Variants in SLC35F4 observed in about 807,000 individuals in gnomAD.
SLC35F4 encodes chromosome 14 open reading frame 36.
SLC35F4 carries 24 observed loss-of-function variants against 44.2 expected under a neutral mutation model. The observed-to-expected ratio is 0.54, with a 90% CI of 0.39 to 0.76. The LOEUF is 0.76. SLC35F4 is among the 30% of genes least tolerant of loss of function. SLC35F4 has a pLI of 0.00. For missense variants in SLC35F4, 562 were observed against 586.1 expected (o/e 0.96, Z 0.42); for synonymous variants, 238 against 223.6 (o/e 1.06, Z -0.57).
At chr14:57,606,985 A>G (rs930880382) in intron 1 of SLC35F4, among the ~76,000 whole-genome samples, 4 of 152,250 alleles carry the variant, frequency 2.6e-5, no homozygotes, top group Non-Finnish European at 4.4e-5. Flanking sequence ...GGGAAGAACA[A>G]GAAGGCATGG....
At chr14:57,937,233 A>T (rs1889814067) in intron 1 of SLC35F4, among the ~76,000 whole-genome samples, 1 of 151,976 alleles carries the variant, frequency 6.6e-6, no homozygotes, top group Admixed American at 6.6e-5. Flanking sequence ...ACGCCCAGCT[A>T]ATTTTTGTAT....
intron 1 of SLC35F4, among the ~76,000 whole-genome samples, chr14:57,679,787 A>C (rs914716620): frequency 7.2e-5 from 11 of 152,080 alleles, no homozygotes; most frequent in Admixed American, 6.5e-4. Flanking sequence ...AAATGGATAA[A>C]TTCCTAGACA....
intron 1 of SLC35F4, chr14:57,630,357 CCA>C: frequency 1.7e-6 from 1 of 604,502 alleles, no homozygotes; most frequent in Non-Finnish European, 3.1e-6. Context: ...GACTGGAAGA[CCA>C]CACATAGCAG....
chr14:57,704,890 T>C (rs768617692), intron 1 of SLC35F4, among the ~76,000 whole-genome samples: 9 of 152,170 alleles, frequency 5.9e-5, no homozygotes, highest in Non-Finnish European at 1.0e-4. Flanking sequence ...AAATTGCCCA[T>C]CAGGGCTTCT....
At chr14:57,807,880 G>T (rs1290726366) in intron 1 of SLC35F4, among the ~76,000 whole-genome samples, 1 of 151,824 alleles carries the variant, frequency 6.6e-6, no homozygotes, top group African/African-American at 2.4e-5. Context: ...GTTCTACATG[G>T]CTGGGGGGCC....
rs144336985 is a variant in SLC35F4 at position 57,782,505 on chromosome 14, T to A, written c.103+83218A>T. On this transcript the variant is annotated intron_variant, in intron 1 of 7. Coordinates refer to ENST00000556826, the MANE Select transcript of SLC35F4 (RefSeq NM_001306087.2). ...CAAAGTTAAAATTTATTAAAATCTA[T>A]GGGTAAACAGAGACCATACATGGTG... 3.1e-3 allele frequency among the ~76,000 whole-genome samples: 468 copies of A among 152,318 alleles called. 4 individuals are homozygous for A. Among genetic ancestry groups the A allele is most frequent in the Middle Eastern group, 0.02 (6 of 294 alleles).
chr14:57,964,991 A>AAT lies in SLC35F4; in HGVS notation n.282+16920_282+16921dup, dbSNP rs1212108605. On this transcript the variant is annotated intron_variant and non_coding_transcript_variant, in intron 1 of 1. Coordinates refer to the SLC35F4 transcript ENST00000556568. ...CCATGGGGGAAAAAAAAAAAAAAAAAATATATATATATATATATATAGTTT... is the reference window on the plus strand; with the variant it reads ...CCATGGGGGAAAAAAAAAAAAAAAAAATATATATATATATATATATATAGTTT... 4.6e-3 allele frequency among the ~76,000 whole-genome samples: 537 copies of AAT among 115,622 alleles called. 3 individuals carry two copies. The highest frequency in any genetic ancestry group is 5.8e-3 in the African/African-American group (159 of 27,240). 75.9% of individuals were successfully genotyped at this position (115,622 alleles called of 152,430 possible).
At chr14:57,963,652 G>A (rs1442610134) in intron 1 of SLC35F4, among the ~76,000 whole-genome samples, 1 of 150,056 alleles carries the variant, frequency 6.7e-6, no homozygotes. Context: ...AGAGACAGAC[G>A]ACCCAGGACT....
chr14:57,588,999 G>A (rs577856757), intron 3 of SLC35F4, among the ~76,000 whole-genome samples: 1 of 152,238 alleles, frequency 6.6e-6, no homozygotes, highest in African/African-American at 2.4e-5. Context: ...GTCATAATAA[G>A]TTATGCAAAA....
intron 1 of SLC35F4, among the ~76,000 whole-genome samples, chr14:57,937,574 GAGAAAAGAAAAGAAAGAAA>G (rs1889823156): frequency 4.5e-5 from 4 of 89,160 alleles, no homozygotes; most frequent in Middle Eastern, 5.3e-3. Context: ...GAAAAGAAAA[GAGAAAAGAAAAGAAAGAAA>G]AGAAAAGAAA....
intron 1 of SLC35F4, among the ~76,000 whole-genome samples, chr14:57,854,399 AG>A (rs1421377765): frequency 5.9e-5 from 9 of 152,242 alleles, no homozygotes; most frequent in African/African-American, 1.9e-4. Context: ...TTTTAAAAAA[AG>A]AACATAAAAT....
chr14:57,622,380 G>A (rs1341511157), intron 1 of SLC35F4, among the ~76,000 whole-genome samples: 1 of 145,482 alleles, frequency 6.9e-6, no homozygotes, highest in Non-Finnish European at 1.5e-5. Context: ...TATGTTTATT[G>A]CGGCACTATT....
At chr14:57,948,641 C>T (rs950272577) in intron 1 of SLC35F4, among the ~76,000 whole-genome samples, 1 of 151,822 alleles carries the variant, frequency 6.6e-6, no homozygotes, top group Non-Finnish European at 1.5e-5. Flanking sequence ...TCTATTTTTG[C>T]TCTGTCAGAC....
intron 1 of SLC35F4, among the ~76,000 whole-genome samples, chr14:57,673,365 C>T (rs1282444460): frequency 6.6e-6 from 1 of 152,134 alleles, no homozygotes; most frequent in Admixed American, 6.5e-5. Context: ...TGATTCCCAA[C>T]TCCAGCACTG....
intron 1 of SLC35F4, among the ~76,000 whole-genome samples, chr14:57,680,189 G>A (rs536283478): frequency 6.2e-4 from 94 of 152,078 alleles, no homozygotes; most frequent in Admixed American, 1.8e-3. Context: ...TCAAGTCAGC[G>A]TCATCCGTGG....
At chr14:57,744,464 C>A (rs1465997731) in intron 1 of SLC35F4, among the ~76,000 whole-genome samples, 1 of 151,944 alleles carries the variant, frequency 6.6e-6, no homozygotes, top group Non-Finnish European at 1.5e-5. Flanking sequence ...CATGAGTGAA[C>A]CCCCATTCAC....
chr14:57,660,169 C>T (rs1243052904), intron 1 of SLC35F4, among the ~76,000 whole-genome samples: 1 of 152,164 alleles, frequency 6.6e-6, no homozygotes, highest in African/African-American at 2.4e-5. Flanking sequence ...AGGAAACAGG[C>T]ATGGTTTAAA....
intron 1 of SLC35F4, among the ~76,000 whole-genome samples, chr14:57,814,878 G>A (rs190651816): frequency 6.6e-6 from 1 of 151,692 alleles, no homozygotes; most frequent in Non-Finnish European, 1.5e-5. Context: ...TGAAACATCT[G>A]TTTTAAAAAA....
chr14:57,587,038 T>C (rs1025701157), intron 3 of SLC35F4, among the ~76,000 whole-genome samples: 1 of 152,040 alleles, frequency 6.6e-6, no homozygotes, highest in Admixed American at 6.5e-5. Context: ...TCATCACTGG[T>C]CATTAGAGAA....
Sources: gnomAD v4.1 joint callset for allele counts (sites outside exome capture counted in the v4.1 genomes callset) on GRCh38, gnomAD v4.1.1 for gene constraint, MANE v1.5 for transcripts, NCBI Gene and HGNC (gene_info 2026-07-23, HGNC 2026-07-21) for gene names.